ERC1: variants seen among roughly 807,000 people sequenced by gnomAD.
ERC1 encodes RAB6 interacting protein 2.
A neutral mutation model predicts 132.0 loss-of-function variants in ERC1; 56 were observed. The ratio of observed to expected loss-of-function variants is 0.42; its 90% confidence interval spans 0.34 to 0.53. ERC1 has a LOEUF of 0.53. ERC1 is among the 20% of genes least tolerant of loss of function. The pLI, the probability that ERC1 is intolerant of heterozygous loss-of-function variation, is 0.03. For synonymous variants in ERC1, 478 were observed against 476.1 expected, an observed-to-expected ratio of 1.00 and a Z score of -0.05; for missense variants, 1,202 against 1,349.9, an observed-to-expected ratio of 0.89 and a Z score of 1.72.
chr12:1,292,626 A>G (rs2079535182), intron 15 of ERC1, among the ~76,000 whole-genome samples: 2 of 152,210 alleles, frequency 1.3e-5, no homozygotes, highest in East Asian at 3.9e-4. Flanking sequence ...AAATTTTCAT[A>G]TGTACCTAAG....
At chr12:1,233,555 A>G (rs2075212516) in intron 12 of ERC1, among the ~76,000 whole-genome samples, 1 of 152,020 alleles carries the variant, frequency 6.6e-6, no homozygotes, top group Non-Finnish European at 1.5e-5. Flanking sequence ...CAGTTATACA[A>G]CACCATTAAT....
At chr12:1,240,514 T>C (rs2075722239) in intron 13 of ERC1, among the ~76,000 whole-genome samples, 1 of 152,204 alleles carries the variant, frequency 6.6e-6, no homozygotes, top group South Asian at 2.1e-4. Context: ...TTAACCATAT[T>C]TGCGTAGCCC....
At chr12:1,164,292 T>TTA (rs1302719916) in intron 8 of ERC1, among the ~76,000 whole-genome samples, 8 of 147,476 alleles carry the variant, frequency 5.4e-5, no homozygotes, top group African/African-American at 1.5e-4. Flanking sequence ...TTATTTTATT[T>TTA]TGTTATTTTA....
rs148066020 is a variant in ERC1, at chr12:1,332,592, G to A, written c.2781-39241G>A. ...AGCTGACTAGCAGCTTTGTATAACC[G>A]GCAGAACCTGTCCACTGGTAGCCGT... On this transcript the variant is annotated intron_variant, in intron 15 of 18. Transcript: ENST00000360905. Among the ~76,000 whole-genome samples, 79 of 152,266 alleles carry A rather than the reference G, an allele frequency of 5.2e-4. 1 individual carries two copies. Among genetic ancestry groups the A allele is most frequent in the Middle Eastern group, 3.4e-3 (1 of 294 alleles).
chr12:1,115,957 A>G lies in ERC1; in HGVS notation c.1493A>G (p.Asp498Gly). The change falls in exon 7 of 19, where the codon GAT (aspartate) becomes GGT (glycine). Residue 498 changes from aspartate (D) to glycine (G), a missense_variant. Coordinates refer to ENST00000360905, the MANE Select transcript of ERC1 (RefSeq NM_178040.4). Reference protein sequence around the residue: ...KLETLTNQFSDSKQHIEVLKE... With the variant: ...KLETLTNQFSGSKQHIEVLKE... ...GAAACACTCACAAACCAGTTCTCAG[A>G]TAGTAAACAGCACATTGAAGTGTTG... is the stretch of plus-strand genomic sequence containing the variant. The G allele has an allele frequency of 6.2e-7, 1 of 1,614,206 alleles. No homozygotes were observed. Among genetic ancestry groups the G allele is most frequent in the South Asian group, 1.1e-5 (1 of 91,086 alleles).
At chr12:1,082,886 C>T (rs1039085010) in intron 2 of ERC1, among the ~76,000 whole-genome samples, 3 of 152,134 alleles carry the variant, frequency 2.0e-5, no homozygotes, top group Non-Finnish European at 2.9e-5. Flanking sequence ...TTAATATCTT[C>T]TATTAATTTT....
chr12:1,468,464 T>C (rs1215964479), intron 18 of ERC1, among the ~76,000 whole-genome samples: 1 of 152,114 alleles, frequency 6.6e-6, no homozygotes, highest in Non-Finnish European at 1.5e-5. Context: ...TAGCCCAGCA[T>C]TGTGTTGCAC....
intron 16 of ERC1, among the ~76,000 whole-genome samples, chr12:1,377,021 A>G (rs947637651): frequency 2.0e-5 from 3 of 152,124 alleles, no homozygotes; most frequent in Non-Finnish European, 4.4e-5. Context: ...TCAGTCAAGC[A>G]TTTTCATACA....
At chr12:1,478,215 ACTGT>A (rs2094011952) in intron 18 of ERC1, among the ~76,000 whole-genome samples, 2 of 152,192 alleles carry the variant, frequency 1.3e-5, no homozygotes, top group South Asian at 2.1e-4. Flanking sequence ...AGCACTTGAT[ACTGT>A]CTGTCTTTTT....
Position 1,024,842 on chromosome 12 carries a change from GA to G in ERC1, c.-156-2891del, listed in dbSNP as rs201143939. On this transcript the variant is annotated intron_variant, in intron 1 of 18. Coordinates refer to ENST00000360905, the MANE Select transcript of ERC1 (RefSeq NM_178040.4). ...TAAAGTCACCTTGAAAAAAAAAGTGGAAAAAAAAAAAAAAAGAAAATACTTG... is the reference window on the plus strand; with the variant it reads ...TAAAGTCACCTTGAAAAAAAAAGTGGAAAAAAAAAAAAAAGAAAATACTTG... 5.7e-3 allele frequency among the ~76,000 whole-genome samples: 412 copies of G among 72,414 alleles called. 2 individuals are homozygous for G. The highest frequency in any genetic ancestry group is 0.04 in the East Asian group (90 of 2,250). The allele number at this position is 72,414 out of a possible 152,430, so 47.5% of individuals were successfully genotyped here. A position where few individuals can be genotyped will look rare whatever the true frequency, so the allele number is the denominator to read the frequency against.
At chr12:1,358,749 A>T (rs2085784080) in intron 15 of ERC1, among the ~76,000 whole-genome samples, 1 of 152,186 alleles carries the variant, frequency 6.6e-6, no homozygotes. Flanking sequence ...TCCCGCTCAT[A>T]GACTGAATTA....
At chr12:1,067,827 G>A (rs897426671) in intron 2 of ERC1, among the ~76,000 whole-genome samples, 5 of 151,662 alleles carry the variant, frequency 3.3e-5, no homozygotes, top group Non-Finnish European at 5.9e-5. Context: ...TCATGATCAT[G>A]TATGAGCTAA....
intron 18 of ERC1, among the ~76,000 whole-genome samples, chr12:1,463,042 G>A (rs1208443312): frequency 6.6e-6 from 1 of 151,990 alleles, no homozygotes; most frequent in Non-Finnish European, 1.5e-5. Context: ...TTGGATTCCA[G>A]GTCCCTTTCC....
At chr12:1,118,654 G>A (rs1386021071) in intron 7 of ERC1, among the ~76,000 whole-genome samples, 1 of 152,164 alleles carries the variant, frequency 6.6e-6, no homozygotes, top group Non-Finnish European at 1.5e-5. Flanking sequence ...AAATTACTCT[G>A]GTGGCACTTG....
At chr12:1,326,796 C>T (rs1439621103) in intron 15 of ERC1, among the ~76,000 whole-genome samples, 1 of 152,156 alleles carries the variant, frequency 6.6e-6, no homozygotes, top group African/African-American at 2.4e-5. Context: ...AGATTGCCAA[C>T]AGAAAGTAGA....
At chr12:1,296,951 T>TAA (rs2080000721) in intron 15 of ERC1, among the ~76,000 whole-genome samples, 1 of 152,190 alleles carries the variant, frequency 6.6e-6, no homozygotes, top group African/African-American at 2.4e-5. Flanking sequence ...TTTCTATAAT[T>TAA]TAATTTGAAA....
intron 1 of ERC1, among the ~76,000 whole-genome samples, chr12:999,228 C>G (rs576015606): frequency 1.3e-5 from 2 of 152,210 alleles, no homozygotes; most frequent in African/African-American, 4.8e-5. Flanking sequence ...GCTTTCTCAT[C>G]GCTTTCTATT....
chr12:1,478,651 G>A, intron 18 of ERC1, among the ~76,000 whole-genome samples: 1 of 152,098 alleles, frequency 6.6e-6, no homozygotes, highest in Non-Finnish European at 1.5e-5. Flanking sequence ...AAACTAGCCG[G>A]GCGTGGTGGC....
At chr12:1,082,614 C>T (rs1942396466) in intron 2 of ERC1, among the ~76,000 whole-genome samples, 1 of 151,672 alleles carries the variant, frequency 6.6e-6, no homozygotes, top group Non-Finnish European at 1.5e-5. Context: ...TCTCAGCCTC[C>T]CGAGTAGCTC....
Sources: allele counts gnomAD v4.1 joint callset (sites outside exome capture counted in the v4.1 genomes callset), GRCh38; gene constraint gnomAD v4.1.1; transcripts MANE v1.5; gene names NCBI Gene and HGNC (gene_info 2026-07-23, HGNC 2026-07-21).